IL1RAPL1: variants seen among roughly 807,000 people sequenced by gnomAD.
The protein encoded by IL1RAPL1 is interleukin 1 receptor accessory protein like 1.
A neutral mutation model predicts 48.4 loss-of-function variants in IL1RAPL1; 3 were observed. The ratio of observed to expected loss-of-function variants is 0.06; its 90% CI spans 0.03 to 0.16. IL1RAPL1 has a LOEUF of 0.16. Among genes scored for constraint, IL1RAPL1 ranks in the 10% least tolerant of loss-of-function variants. The pLI is 1.00. For missense variants in IL1RAPL1, 349 were observed against 530.6 expected (o/e 0.66, Z 3.36); for synonymous variants, 185 against 187.7 (o/e 0.99, Z 0.12).
At chrX:29,493,154 GA>G (rs1187410733) in intron 5 of IL1RAPL1, among the ~76,000 whole-genome samples, 1 of 111,622 alleles carries the variant, frequency 9.0e-6, no homozygotes, top group Non-Finnish European at 1.9e-5. Flanking sequence ...GTTTATTCAG[GA>G]CAATGAGCTC....
chrX:29,768,786 T>C (rs1464796608), intron 6 of IL1RAPL1, among the ~76,000 whole-genome samples: 1 of 112,131 alleles, frequency 8.9e-6, no homozygotes, highest in African/African-American at 3.2e-5. Context: ...GCACTTGGTA[T>C]GTTTAAAACA....
At chrX:29,706,695 G>T (rs1457905273) in intron 6 of IL1RAPL1, among the ~76,000 whole-genome samples, 1 of 111,718 alleles carries the variant, frequency 9.0e-6, no homozygotes, top group African/African-American at 3.3e-5. Context: ...TATCAAGTGG[G>T]GAAAGGACAC....
At chrX:29,779,936 G>A (rs1929294275) in intron 6 of IL1RAPL1, among the ~76,000 whole-genome samples, 1 of 111,482 alleles carries the variant, frequency 9.0e-6, no homozygotes, top group African/African-American at 3.3e-5. Flanking sequence ...TGTTGGAATA[G>A]TTTGTTTAGT....
At chrX:29,779,607 G>A (rs1601819660) in intron 6 of IL1RAPL1, among the ~76,000 whole-genome samples, 1 of 110,238 alleles carries the variant, frequency 9.1e-6, no homozygotes, top group African/African-American at 3.3e-5. Flanking sequence ...AATAAAAGTT[G>A]GAGTGAAAAA....
intron 1 of IL1RAPL1, among the ~76,000 whole-genome samples, chrX:28,751,448 A>G (rs1305689428): frequency 8.9e-6 from 1 of 111,845 alleles, no homozygotes; most frequent in Non-Finnish European, 1.9e-5. Context: ...ATTTCCAAAT[A>G]TTATGGTTTC....
intron 5 of IL1RAPL1, among the ~76,000 whole-genome samples, chrX:29,547,061 C>T (rs1489131249): frequency 4.5e-5 from 5 of 111,456 alleles, no homozygotes. Context: ...TAGTGCCTGA[C>T]ACTAGAAAAC....
intron 2 of IL1RAPL1, chrX:28,982,714 A>T (rs748828008): frequency 8.9e-6 from 1 of 112,212 alleles, no homozygotes; most frequent in East Asian, 2.8e-4. Flanking sequence ...TGACCACAGG[A>T]TCAGTGCTTC....
chrX:29,759,984 A>G (rs975519154), intron 6 of IL1RAPL1, among the ~76,000 whole-genome samples: 1 of 111,832 alleles, frequency 8.9e-6, no homozygotes, highest in African/African-American at 3.2e-5. Context: ...AAAATGGGGC[A>G]AAGCATAAAT....
chrX:28,919,155 A>C (rs1053366119), intron 2 of IL1RAPL1, among the ~76,000 whole-genome samples: 5 of 111,567 alleles, frequency 4.5e-5, no homozygotes, highest in African/African-American at 1.3e-4. Context: ...GGACATGAAC[A>C]GTACTTGAAC....
At chrX:29,923,641 G>C (rs1039478901) in intron 8 of IL1RAPL1, among the ~76,000 whole-genome samples, 8 of 112,289 alleles carry the variant, frequency 7.1e-5, no homozygotes, top group Non-Finnish European at 1.5e-4. Flanking sequence ...GCTCATACTT[G>C]ATTGAATTCC....
chrX:28,735,378 C>T (rs909077923), intron 1 of IL1RAPL1, among the ~76,000 whole-genome samples: 1 of 110,335 alleles, frequency 9.1e-6, no homozygotes, highest in African/African-American at 3.3e-5. Context: ...GGGCAGAAAG[C>T]ACATATTATG....
chrX:29,422,468 C>G (rs773664393), intron 5 of IL1RAPL1, among the ~76,000 whole-genome samples: 2 of 111,341 alleles, frequency 1.8e-5, no homozygotes, highest in East Asian at 2.8e-4. Context: ...CTGAAAGTTT[C>G]TAATACAGTA....
In IL1RAPL1 at chrX:29,325,175, T is replaced by A. The variant is rs113707674; in HGVS notation, c.362+41958T>A. 4.4e-3 allele frequency among the ~76,000 whole-genome samples: 497 copies of A among 112,316 alleles called. 3 individuals are homozygous for A. The highest frequency in any genetic ancestry group is 0.016 in the African/African-American group (482 of 30,988). ...TTAAAAAGAATGAAGTATGCATATA[T>A]GTCTCAATCATCCAGCTGATCCTAG... On this transcript the variant is annotated intron_variant, in intron 3 of 10. Transcript: ENST00000378993.
chrX:28,894,076 G>A (rs1160382585), intron 2 of IL1RAPL1, among the ~76,000 whole-genome samples: 1 of 111,928 alleles, frequency 8.9e-6, no homozygotes, highest in East Asian at 2.8e-4. Context: ...AAGTAAAGCG[G>A]CTTTGAGAAG....
intron 6 of IL1RAPL1, among the ~76,000 whole-genome samples, chrX:29,675,080 A>G (rs1033059476): frequency 4.4e-5 from 5 of 112,456 alleles, no homozygotes; most frequent in African/African-American, 1.6e-4. Flanking sequence ...CTTTGGGTAT[A>G]TATCCAGTAA....
chrX:28,773,415 C>A (rs1936329689), intron 1 of IL1RAPL1, among the ~76,000 whole-genome samples: 1 of 111,705 alleles, frequency 9.0e-6, no homozygotes, highest in African/African-American at 3.3e-5. Flanking sequence ...ATTCACTTTA[C>A]CACTCTTTGA....
At chrX:29,074,349 C>T (rs908931408) in intron 2 of IL1RAPL1, among the ~76,000 whole-genome samples, 1 of 111,452 alleles carries the variant, frequency 9.0e-6, no homozygotes, top group Non-Finnish European at 1.9e-5. Context: ...CTGCTTCCAA[C>T]ATTGGGAGCA....
At chrX:29,196,672 C>T (rs925421938) in intron 2 of IL1RAPL1, among the ~76,000 whole-genome samples, 1 of 110,041 alleles carries the variant, frequency 9.1e-6, no homozygotes, top group South Asian at 4.0e-4. Context: ...TCCCCCACCA[C>T]CCCTCCTCCC....
chrX:29,642,929 T>C (rs913722498), intron 5 of IL1RAPL1, among the ~76,000 whole-genome samples: 1 of 111,887 alleles, frequency 8.9e-6, no homozygotes, highest in African/African-American at 3.3e-5. Flanking sequence ...ATATAAACTA[T>C]TAGGAACCAA....
Sources: gnomAD v4.1 joint callset for allele counts (sites outside exome capture counted in the v4.1 genomes callset) on GRCh38, gnomAD v4.1.1 for gene constraint, MANE v1.5 for transcripts, NCBI Gene and HGNC (gene_info 2026-07-23, HGNC 2026-07-21) for gene names.